Variants in ZSCAN5A observed in about 807,000 individuals in gnomAD.
ZSCAN5A encodes zinc finger and SCAN domain containing 5A.
ZSCAN5A carries 12 observed loss-of-function variants against 23.7 expected under a neutral mutation model. The observed-to-expected ratio is 0.51, with a 90% CI of 0.32 to 0.82. The LOEUF is 0.82. ZSCAN5A is among the 40% of genes least tolerant of loss of function. The pLI is 0.03. For synonymous variants in ZSCAN5A, 257 were observed against 239.9 expected (o/e 1.07, Z -0.66); for missense variants, 597 against 617.9 (o/e 0.97, Z 0.36).
chr19:56,261,355 A>G (rs1568662469), intron 2 of ZSCAN5A, among the ~76,000 whole-genome samples: 1 of 152,186 alleles, frequency 6.6e-6, no homozygotes, highest in Non-Finnish European at 1.5e-5. Flanking sequence ...CATTCCTAGA[A>G]CAGGCATCTA....
chr19:56,365,920 T>C (rs538416159), intron 1 of ZSCAN5A: 1 of 152,332 alleles, frequency 6.6e-6, no homozygotes, highest in African/African-American at 2.4e-5. Flanking sequence ...GTTCTCACAG[T>C]GAAGATCTGA....
intron 2 of ZSCAN5A, among the ~76,000 whole-genome samples, chr19:56,265,182 G>C (rs1265985318): frequency 6.6e-6 from 1 of 151,672 alleles, no homozygotes; most frequent in African/African-American, 2.4e-5. Flanking sequence ...GCCATGGAAG[G>C]ATTTGGAGTA....
intron 2 of ZSCAN5A, among the ~76,000 whole-genome samples, chr19:56,233,849 C>T (rs1039383370): frequency 3.3e-5 from 5 of 152,034 alleles, no homozygotes; most frequent in South Asian, 2.1e-4. Flanking sequence ...GATGCAAATG[C>T]GGAGCCACCC....
At chr19:56,347,699 A>T (rs537165520) in intron 2 of ZSCAN5A, 2 of 152,436 alleles carry the variant, frequency 1.3e-5, no homozygotes, top group East Asian at 3.9e-4. Flanking sequence ...GGAACAGCTC[A>T]TCCTGAAGGA....
intron 2 of ZSCAN5A, among the ~76,000 whole-genome samples, chr19:56,237,997 GCACACATACA>G (rs376300277): frequency 0.01 from 106 of 10,206 alleles, 12 homozygotes; most frequent in Non-Finnish European, 0.013. Context: ...ACACACATAC[GCACACATACA>G]CACACACGTC....
At position 56,313,336 on chromosome 19, in the gene ZSCAN5A, T is replaced by C; in HGVS notation, c.-181A>G. On this transcript the variant is annotated 5_prime_UTR_variant, in exon 2 of 6. Transcript: ENST00000683990. ...ATCATGGCAGAAGGTCAAAGGCACGTCTCACATGGCAGCAGACAAGAGAAG... is the reference window on the plus strand; with the variant it reads ...ATCATGGCAGAAGGTCAAAGGCACGCCTCACATGGCAGCAGACAAGAGAAG... The C allele has an allele frequency of 9.8e-6, 3 of 305,648 alleles. No homozygotes were observed. Among genetic ancestry groups the C allele is most frequent in the South Asian group, 5.2e-5 (2 of 38,640 alleles). The allele number at this position is 305,648 out of a possible 1,614,324, so 18.9% of individuals were successfully genotyped here.
rs367599578 is a variant in ZSCAN5A, at chr19:56,223,682, G to A, written c.537C>T (p.Ala179=). The change falls in exon 4 of 6, where the codon GCC becomes GCT. Residue 179 remains alanine (A), a synonymous_variant. Coordinates refer to ENST00000683990, the MANE Select transcript of ZSCAN5A (RefSeq NM_001322064.3). ...VNQMRPGEGQ[A]HRELQILPRV... ...TGGGCAGGATCTGCAGCTCTCGGTG[G>A]GCCTGGCCTTCCCCTGGACGCATCT... 10 of 1,610,848 alleles carry A rather than the reference G, an allele frequency of 6.2e-6. No homozygotes were observed. In the African/African-American group the frequency reaches 8.1e-5, roughly 13 times the overall value.
In ZSCAN5A at chr19:56,284,822, T is replaced by C. The variant is rs548374583; in HGVS notation, c.-128+28461A>G. On this transcript the variant is annotated intron_variant, in intron 2 of 5. Transcript: ENST00000683990. Reference sequence around the variant, plus strand: ...GCCACTGCGCCTGGCCTTGCTATGATTGATAGAGGTAGGAAAGGGGATTAA... The same window carrying C: ...GCCACTGCGCCTGGCCTTGCTATGACTGATAGAGGTAGGAAAGGGGATTAA... Among the ~76,000 whole-genome samples the C allele has an allele frequency of 1.4e-4, 21 of 152,200 alleles. No homozygotes were observed. The East Asian group carries it at 1.9e-3, about 14-fold the overall frequency.
At chr19:56,222,457 C>G in intron 5 of ZSCAN5A, 131 bp from the exon 6 acceptor site, 2 of 1,549,920 alleles carry the variant, frequency 1.3e-6, no homozygotes, top group East Asian at 2.2e-5. Context: ...GACTGTAGGT[C>G]TCTGGAAAGT....
At chr19:56,262,753 A>G (rs1339268946) in intron 2 of ZSCAN5A, among the ~76,000 whole-genome samples, 1 of 152,184 alleles carries the variant, frequency 6.6e-6, no homozygotes, top group Non-Finnish European at 1.5e-5. Context: ...TCAACATTAT[A>G]TTGATAAAAG....
intron 2 of ZSCAN5A, among the ~76,000 whole-genome samples, chr19:56,332,096 G>A (rs1161297164): frequency 6.6e-6 from 1 of 152,078 alleles, no homozygotes; most frequent in Non-Finnish European, 1.5e-5. Flanking sequence ...GGCTGAGCTT[G>A]TTGTCCATGT....
At chr19:56,346,711 T>A (rs1051393326) in intron 2 of ZSCAN5A, among the ~76,000 whole-genome samples, 223 of 148,108 alleles carry the variant, frequency 1.5e-3, no homozygotes, top group African/African-American at 5.5e-3. Context: ...CTTTTTTTTA[T>A]TTTTTATTTT....
chr19:56,244,477 C>A lies in ZSCAN5A; in HGVS notation c.-127-19304G>T. The A allele has an allele frequency of 1.3e-6, 2 of 1,534,178 alleles. 1 individual carries two copies. The highest frequency in any genetic ancestry group is 4.5e-5 in the East Asian group (2 of 44,326). On this transcript the variant is annotated intron_variant, in intron 2 of 5. Transcript: ENST00000683990. ...CAGGGAAGGGGAGCTGGGATGGGGG[C>A]TGCACGGTGCAGCTGGACTCGAGAG... is the stretch of plus-strand genomic sequence containing the variant.
Position 56,309,927 on chromosome 19 carries a change from C to T in ZSCAN5A, c.-128+3356G>A, listed in dbSNP as rs139388171. ...GGGAAGCGTGTTCCAGCTGCTGGAA[C>T]AGCCCGGTGGGAATAGGGACAAACT... On this transcript the variant is annotated intron_variant, in intron 2 of 5. Transcript: ENST00000683990. Among the ~76,000 whole-genome samples, 917 of 152,148 alleles carry T rather than the reference C, an allele frequency of 6.0e-3. 7 individuals carry two copies. Among genetic ancestry groups the T allele is most frequent in the African/African-American group, 0.016 (674 of 41,522 alleles).
In ZSCAN5A at chr19:56,351,551, T is replaced by C. The variant is rs2041667464; in HGVS notation, c.-358+11684A>G. Among the ~76,000 whole-genome samples, 1 of 152,178 alleles carries C rather than the reference T, an allele frequency of 6.6e-6. No homozygotes were observed. Among genetic ancestry groups the C allele is most frequent in the Non-Finnish European group, 1.5e-5 (1 of 68,038 alleles). On this transcript the variant is annotated intron_variant, in intron 2 of 6. Transcript: ENST00000587340. The surrounding 1 kb of genome is among the most constrained non-coding windows in gnomAD (Gnocchi z 4.8). ...TTCTGTTGCGCACAGGGTCTATCTC[T>C]GTTCCTTTCCCATGTCTCAGTACGG... is the stretch of plus-strand genomic sequence containing the variant.
chr19:56,350,024 A>C (rs1452869967), intron 2 of ZSCAN5A, among the ~76,000 whole-genome samples: 2 of 152,246 alleles, frequency 1.3e-5, no homozygotes, highest in Non-Finnish European at 2.9e-5. Flanking sequence ...AAATTGTTCT[A>C]GTCAAGCTAC....
At chr19:56,346,057 T>A (rs2041629844) in intron 2 of ZSCAN5A, among the ~76,000 whole-genome samples, 1 of 150,368 alleles carries the variant, frequency 6.7e-6, no homozygotes, top group Non-Finnish European at 1.5e-5. Flanking sequence ...ACGTTCCTCA[T>A]GCAGCAGAGG....
chr19:56,316,801 G>A (rs951116496), upstream of ZSCAN5A: 1 of 152,126 alleles, frequency 6.6e-6, no homozygotes, highest in Non-Finnish European at 1.5e-5. Flanking sequence ...CCTCTTCTCA[G>A]CCTGTTTATT....
chr19:56,223,967 G>T, intron 3 of ZSCAN5A, 133 bp from the exon 4 acceptor site: 2 of 830,096 alleles, frequency 2.4e-6, no homozygotes, highest in Non-Finnish European at 3.7e-6. Context: ...TAGAGAGTCA[G>T]CTCTGTGGAC....
Sources: gnomAD v4.1 joint callset for allele counts (sites outside exome capture counted in the v4.1 genomes callset) on GRCh38, gnomAD v4.1.1 for gene constraint, Gnocchi (gnomAD v3.1) non-coding constraint, MANE v1.5 for transcripts, NCBI Gene and HGNC (gene_info 2026-07-23, HGNC 2026-07-21) for gene names.